ARHGAP8: variants seen among roughly 807,000 people sequenced by gnomAD.
ARHGAP8 encodes the protein rho GTPase-activating protein 8.
Under a neutral mutation model 46.1 loss-of-function variants are expected in ARHGAP8, and 62 were observed. The ratio of observed to expected loss-of-function variants is 1.34; its 90% confidence interval spans 1.10 to 1.66. ARHGAP8 has a LOEUF of 1.66. Among genes scored for constraint, ARHGAP8 ranks in the 40% most tolerant of loss-of-function variants. The probability of loss-of-function intolerance (pLI) is 0.00; values close to 1 mark genes in which losing one functional copy is unlikely to be tolerated. For synonymous variants in ARHGAP8, 375 were observed against 243.1 expected (o/e 1.54, Z -5.05); for missense variants, 923 against 568.4 (o/e 1.62, Z -6.34).
At position 44,859,812 on chromosome 22, in the gene ARHGAP8, A is replaced by T. The variant is rs758790298; in HGVS notation, c.959A>T (p.Tyr320Phe). 5 of 1,613,940 alleles carry T rather than the reference A, an allele frequency of 3.1e-6. No homozygotes were observed. Among genetic ancestry groups the T allele is most frequent in the Non-Finnish European group, 4.2e-6 (5 of 1,179,984 alleles). Residue 320 changes from tyrosine to phenylalanine, a missense_variant, in exon 11 of 12, where the codon TAC becomes TTC. By Grantham distance (22) the Tyr-to-Phe change is conservative (BLOSUM62 3). Coordinates refer to ENST00000356099, the MANE Select transcript of ARHGAP8 (RefSeq NM_181335.3). Reference protein sequence around the residue: ...LPEHNYVVLRYLMGFLHAVSR... With the variant: ...LPEHNYVVLRFLMGFLHAVSR... ...GAGCACAACTACGTCGTCCTCCGCT[A>T]CCTCATGGGCTTCCTGCATGCGGTG...
chr22:44,794,529 C>T (rs187887915), intron 2 of ARHGAP8, among the ~76,000 whole-genome samples: 11 of 151,946 alleles, frequency 7.2e-5, no homozygotes, highest in Non-Finnish European at 1.2e-4. Context: ...GCCAACATGG[C>T]GAAACCTCAT....
chr22:44,861,490 C>CT (rs1569189835), intron 11 of ARHGAP8, among the ~76,000 whole-genome samples: 4 of 152,190 alleles, frequency 2.6e-5, no homozygotes, highest in East Asian at 3.9e-4. Context: ...TGAAAGGCAT[C>CT]CAGCCATCTC....
Position 44,769,074 on chromosome 22 carries a change from A to G in ARHGAP8, c.-72+16447A>G, listed in dbSNP as rs1400671526. ...GGTCTTGAACTCCAGACCTCAGGTG[A>G]TCCGCCTGCCTTGGCCTCCCAAAGT... is the stretch of plus-strand genomic sequence containing the variant. On this transcript the variant is annotated intron_variant, in intron 1 of 11. Transcript: ENST00000356099. 3.3e-5 allele frequency among the ~76,000 whole-genome samples: 5 copies of G among 152,182 alleles called. No homozygotes were observed. In the South Asian group the frequency reaches 1.0e-3, roughly 32 times the overall value.
chr22:44,862,742 A>AC lies in ARHGAP8; in HGVS notation c.*148dup. On this transcript the variant is annotated 3_prime_UTR_variant, in exon 12 of 12. Coordinates refer to ENST00000356099, the MANE Select transcript of ARHGAP8 (RefSeq NM_181335.3). ...AAAACTCCATGCCTCTGGTCCTTGG[A>AC]CTCTTGTCCATGGTTCCTGAGCTGT... 1 of 972,858 alleles carries AC rather than the reference A, an allele frequency of 1.0e-6. No individual in the cohort carries two copies. The highest frequency in any genetic ancestry group is 1.4e-6 in the Non-Finnish European group (1 of 693,450). 60.3% of individuals were successfully genotyped at this position (972,858 alleles called of 1,614,324 possible). A position where few individuals can be genotyped will look rare whatever the true frequency, so the allele number is the denominator to read the frequency against.
intron 11 of ARHGAP8, among the ~76,000 whole-genome samples, chr22:44,861,107 G>T (rs546068953): frequency 6.6e-6 from 1 of 152,178 alleles, no homozygotes; most frequent in African/African-American, 2.4e-5. Context: ...ACGTAGCTGG[G>T]ATTACAGGTG....
In ARHGAP8 at chr22:44,760,669, C is replaced by CT. The variant is rs1925063028; in HGVS notation, c.-72+8043dup. 5.3e-5 allele frequency among the ~76,000 whole-genome samples: 8 copies of CT among 152,334 alleles called. No homozygotes were observed. In the South Asian group the frequency reaches 1.7e-3, roughly 32 times the overall value. ...TGTAGCTACAGCATTAAGATAATTG[C>CT]TGTGAGGGTCTATTTGTGTAATGTG... On this transcript the variant is annotated intron_variant, in intron 1 of 11. Transcript: ENST00000356099.
chr22:44,836,659 G>C (rs757637924), intron 7 of ARHGAP8, among the ~76,000 whole-genome samples: 6 of 151,644 alleles, frequency 4.0e-5, no homozygotes, highest in Non-Finnish European at 5.9e-5. Flanking sequence ...CTGTGACTGA[G>C]AACTTTGCAG....
At chr22:44,772,445 C>T (rs1348562803) in intron 1 of ARHGAP8, among the ~76,000 whole-genome samples, 2 of 149,750 alleles carry the variant, frequency 1.3e-5, no homozygotes, top group Non-Finnish European at 1.5e-5. Flanking sequence ...CCGCCTTGGC[C>T]TCCCAAAGTG....
intron 2 of ARHGAP8, among the ~76,000 whole-genome samples, chr22:44,795,735 A>G (rs1267046723): frequency 6.6e-6 from 1 of 152,186 alleles, no homozygotes; most frequent in Non-Finnish European, 1.5e-5. Context: ...ATTGTGGCCC[A>G]CAGGCTTCTC....
At chr22:44,772,102 TTA>T (rs1926053841) in intron 1 of ARHGAP8, among the ~76,000 whole-genome samples, 1 of 152,034 alleles carries the variant, frequency 6.6e-6, no homozygotes, top group South Asian at 2.1e-4. Context: ...CTAGTTTTTA[TTA>T]TGAGTGAGTC....
chr22:44,859,845 A>G lies in ARHGAP8; in HGVS notation c.981+11A>G. ...GGCTTCCTGCATGCGGTGAGTGGGG[A>G]AGGGGGGAGCTTGGGGTGAAGCCCA... is the stretch of plus-strand genomic sequence containing the variant. On this transcript the variant is annotated intron_variant, in intron 11 of 11. Transcript: ENST00000356099. 6.2e-7 allele frequency: 1 copy of G among 1,612,596 alleles called. No individual in the cohort carries two copies. The highest frequency in any genetic ancestry group is 1.1e-5 in the South Asian group (1 of 91,002).
rs1361772122 is a variant in ARHGAP8 at position 44,787,933 on chromosome 22, T to TTTTC, written c.79+1330_79+1331insCTTT. On this transcript the variant is annotated intron_variant, in intron 2 of 11. Transcript: ENST00000356099. ...CCCCAAATGTCCTTTTTTTTTTTTT[T>TTTTC]TTTTTTTCCCCCCAAATGTCCTTTT... 1.2e-4 allele frequency among the ~76,000 whole-genome samples: 17 copies of TTTTC among 136,490 alleles called. 1 individual carries two copies. Among genetic ancestry groups the TTTTC allele is most frequent in the Non-Finnish European group, 2.2e-4 (14 of 63,412 alleles). 89.5% of individuals were successfully genotyped at this position (136,490 alleles called of 152,430 possible).
At chr22:44,852,507 G>A (rs1601522695) in intron 10 of ARHGAP8, among the ~76,000 whole-genome samples, 2 of 152,228 alleles carry the variant, frequency 1.3e-5, no homozygotes, top group South Asian at 2.1e-4. Flanking sequence ...CCATATTTGG[G>A]ACAGTAGTGT....
At chr22:44,799,885 C>T (rs2147075083) in intron 2 of ARHGAP8, among the ~76,000 whole-genome samples, 1 of 152,054 alleles carries the variant, frequency 6.6e-6, no homozygotes, top group Non-Finnish European at 1.5e-5. Context: ...CCAGGGTGTC[C>T]TGCATGCAGG....
intron 10 of ARHGAP8, among the ~76,000 whole-genome samples, chr22:44,858,369 G>GTTTTCT (rs1481535425): frequency 0.022 from 3,182 of 142,026 alleles, 123 homozygotes; most frequent in African/African-American, 0.077. Context: ...GTTGGTGGTG[G>GTTTTCT]TTTTTTTTTT....
chr22:44,821,929 A>G (rs942991213), intron 5 of ARHGAP8, among the ~76,000 whole-genome samples: 1 of 150,338 alleles, frequency 6.7e-6, no homozygotes, highest in African/African-American at 2.4e-5. Flanking sequence ...GAGGTGGCCA[A>G]ATGTGAAGCC....
At chr22:44,807,665 C>T (rs965593994) in intron 3 of ARHGAP8, among the ~76,000 whole-genome samples, 8 of 152,110 alleles carry the variant, frequency 5.3e-5, no homozygotes, top group Admixed American at 1.3e-4. Context: ...AATGTGGTGG[C>T]GTAAAACCAG....
chr22:44,796,676 C>T (rs941374749), intron 2 of ARHGAP8, among the ~76,000 whole-genome samples: 5 of 152,166 alleles, frequency 3.3e-5, no homozygotes, highest in Non-Finnish European at 4.4e-5. Flanking sequence ...CTTAACTCCA[C>T]GGGAGAAGTC....
At chr22:44,793,983 G>A (rs915647071) in intron 2 of ARHGAP8, among the ~76,000 whole-genome samples, 13 of 152,218 alleles carry the variant, frequency 8.5e-5, no homozygotes, top group Admixed American at 4.6e-4. Flanking sequence ...TGGGGAGACC[G>A]AGGGAGCGAG....
Sources: gnomAD v4.1 joint callset for allele counts (sites outside exome capture counted in the v4.1 genomes callset) on GRCh38, gnomAD v4.1.1 for gene constraint, MANE v1.5 for transcripts, NCBI Gene and HGNC (gene_info 2026-07-23, HGNC 2026-07-21) for gene names.